FYB1: variants seen among roughly 807,000 people sequenced by gnomAD.
FYB1 encodes the protein FYN binding protein 1.
In FYB1, 41 loss-of-function variants were observed where a neutral mutation model predicts 94.1. The ratio of observed to expected loss-of-function variants is 0.44; its 90% CI spans 0.34 to 0.57. The LOEUF is 0.57. FYB1 is among the 20% of genes least tolerant of loss of function. FYB1 has a pLI of 0.02. For missense variants in FYB1, 1,050 were observed against 976.8 expected, an observed-to-expected ratio of 1.07 and a Z score of -1.00; for synonymous variants, 367 against 353.2, an observed-to-expected ratio of 1.04 and a Z score of -0.44.
intron 3 of FYB1, among the ~76,000 whole-genome samples, chr5:39,148,175 A>C (rs1580387990): frequency 2.0e-5 from 1 of 49,834 alleles, no homozygotes; most frequent in East Asian, 8.4e-4. Flanking sequence ...ATATATATAT[A>C]TATATATATA....
intron 12 of FYB1, among the ~76,000 whole-genome samples, chr5:39,125,313 G>T (rs893564277): frequency 6.6e-6 from 1 of 151,866 alleles, no homozygotes; most frequent in African/African-American, 2.4e-5. Flanking sequence ...CTTGTACCAG[G>T]GAATATGATT....
chr5:39,250,038 ACTCT>A (rs1204610825), intron 1 of FYB1, among the ~76,000 whole-genome samples: 1 of 151,338 alleles, frequency 6.6e-6, no homozygotes, highest in East Asian at 1.9e-4. Context: ...CTCCCTTTGC[ACTCT>A]CTCTCTCTTT....
At chr5:39,134,461 T>C (rs1357539389) in intron 8 of FYB1, 112 bp from the exon 9 acceptor site, 1 of 980,348 alleles carries the variant, frequency 1.0e-6, no homozygotes, top group African/African-American at 1.6e-5. Context: ...TGATTTATTT[T>C]CTTGTAGTTC....
At chr5:39,120,868 T>C (rs969570102) in intron 14 of FYB1, among the ~76,000 whole-genome samples, 4 of 152,082 alleles carry the variant, frequency 2.6e-5, no homozygotes, top group Admixed American at 6.6e-5. Flanking sequence ...ACTGCCTGCC[T>C]ATGGTAGTCT....
chr5:39,185,526 ATAT>A (rs1185137116), intron 2 of FYB1, among the ~76,000 whole-genome samples: 4 of 115,480 alleles, frequency 3.5e-5, no homozygotes, highest in African/African-American at 6.6e-5. Flanking sequence ...TAAAAAAAAA[ATAT>A]ATATATATAT....
intron 2 of FYB1, among the ~76,000 whole-genome samples, chr5:39,158,626 TA>T (rs1287346624): frequency 6.6e-6 from 1 of 152,220 alleles, no homozygotes; most frequent in Non-Finnish European, 1.5e-5. Context: ...TGGATACTTT[TA>T]CAACATTCTG....
At chr5:39,138,881 A>G (rs1741899815) in intron 5 of FYB1, 190 bp from the exon 6 acceptor site, 1 of 633,422 alleles carries the variant, frequency 1.6e-6, no homozygotes, top group African/African-American at 1.8e-5. Context: ...AATAATTCAA[A>G]TACTCAGTAA....
At chr5:39,138,519 A>T in intron 6 of FYB1, 138 bp downstream of exon 6, 1 of 508,974 alleles carries the variant, frequency 2.0e-6, no homozygotes. Flanking sequence ...CTTTAAATTG[A>T]AATAAAAGTT....
At chr5:39,214,980 A>G (rs1417013906) in intron 1 of FYB1, among the ~76,000 whole-genome samples, 1 of 152,200 alleles carries the variant, frequency 6.6e-6, no homozygotes, top group African/African-American at 2.4e-5. Context: ...AGAGTAGTCA[A>G]ATTCATAAAG....
rs536171425 is a variant in FYB1 at position 39,153,540 on chromosome 5, C to A, written c.1200G>T (p.Pro400=). ...TSLPPPPPSH[P]ASQPPLPASH... Reference sequence around the variant, plus strand: ...ATGCTGGCAATGGTGGTTGGCTGGCCGGATGGGATGGTGGAGGTGGTGGCA... The same window carrying A: ...ATGCTGGCAATGGTGGTTGGCTGGCAGGATGGGATGGTGGAGGTGGTGGCA... Residue 400 remains proline, a synonymous_variant, in exon 3 of 19, where the codon CCG becomes CCT. Coordinates refer to ENST00000512982, the MANE Select transcript of FYB1 (RefSeq NM_001465.6). 1.9e-6 allele frequency: 3 copies of A among 1,613,530 alleles called. No homozygotes were observed. Among genetic ancestry groups the A allele is most frequent in the Non-Finnish European group, 2.5e-6 (3 of 1,179,836 alleles).
At chr5:39,243,528 G>A (rs1229977902) in intron 1 of FYB1, among the ~76,000 whole-genome samples, 2 of 151,618 alleles carry the variant, frequency 1.3e-5, no homozygotes, top group Non-Finnish European at 3.0e-5. Flanking sequence ...GTACCATGCT[G>A]TTTTGGTGAC....
chr5:39,123,197 ACT>A (rs1345357296), intron 13 of FYB1, among the ~76,000 whole-genome samples: 3 of 152,150 alleles, frequency 2.0e-5, no homozygotes, highest in African/African-American at 7.2e-5. Flanking sequence ...AAGTTTAAAT[ACT>A]CTCTGGTAGT....
intron 1 of FYB1, among the ~76,000 whole-genome samples, chr5:39,256,385 G>T (rs1462921803): frequency 6.6e-6 from 1 of 152,194 alleles, no homozygotes; most frequent in East Asian, 1.9e-4. Flanking sequence ...GGGTAGAATA[G>T]TGAGAAAAAT....
At chr5:39,151,896 C>T (rs757605075) in intron 3 of FYB1, among the ~76,000 whole-genome samples, 13 of 152,172 alleles carry the variant, frequency 8.5e-5, no homozygotes, top group Non-Finnish European at 1.8e-4. Flanking sequence ...TTACAGACTA[C>T]CCCATACATT....
At chr5:39,233,073 G>C (rs1017636800) in intron 1 of FYB1, among the ~76,000 whole-genome samples, 2 of 152,118 alleles carry the variant, frequency 1.3e-5, no homozygotes, top group African/African-American at 4.8e-5. Context: ...AGTCCTTTGG[G>C]TATATACCCA....
At chr5:39,244,336 G>C (rs1016776711) in intron 1 of FYB1, among the ~76,000 whole-genome samples, 1 of 152,162 alleles carries the variant, frequency 6.6e-6, no homozygotes, top group Non-Finnish European at 1.5e-5. Context: ...TATTTATAGA[G>C]AGTTTTCAGC....
At chr5:39,266,559 T>C (rs1752444674) in intron 1 of FYB1, among the ~76,000 whole-genome samples, 1 of 152,208 alleles carries the variant, frequency 6.6e-6, no homozygotes, top group East Asian at 1.9e-4. Context: ...TGAATTTCCT[T>C]ATAACCACTT....
At chr5:39,173,851 T>C (rs967211992) in intron 2 of FYB1, among the ~76,000 whole-genome samples, 5 of 152,194 alleles carry the variant, frequency 3.3e-5, no homozygotes, top group East Asian at 3.9e-4. Context: ...TGTAACCTTA[T>C]AGTATAGTCT....
chr5:39,137,645 C>G lies in FYB1; in HGVS notation c.1470G>C (p.Gln490His). 2 of 1,536,226 alleles carry G rather than the reference C, an allele frequency of 1.3e-6. No individual in the cohort carries two copies. The change falls in exon 7 of 19, where the codon CAG becomes CAC. Residue 490 changes from glutamine (Q) to histidine (H), a missense_variant. Coordinates refer to ENST00000512982, the MANE Select transcript of FYB1 (RefSeq NM_001465.6). ...KKRLELEKKEQKEKEKKEQEI... is the reference protein window; with the variant it reads ...KKRLELEKKEHKEKEKKEQEI... ...CTTGTTCTTTCTTTTCTTTCTCTTT[C>G]TGTTCCTTTTTCTCCAGCTCTAACC...
Sources: gnomAD v4.1 joint callset for allele counts (sites outside exome capture counted in the v4.1 genomes callset) on GRCh38, gnomAD v4.1.1 for gene constraint, MANE v1.5 for transcripts, NCBI Gene and HGNC (gene_info 2026-07-23, HGNC 2026-07-21) for gene names.